Variants in CGGBP1 observed in about 807,000 individuals in gnomAD.
The protein encoded by CGGBP1 is CGG triplet repeat binding protein 1, also known as CGG triplet repeat-binding protein 1.
In CGGBP1, 4 loss-of-function variants were observed where a neutral mutation model predicts 11.4. The observed-to-expected ratio is 0.35, with a 90% CI of 0.17 to 0.80. The LOEUF is 0.80. CGGBP1 is among the 30% of genes least tolerant of loss of function. CGGBP1 has a pLI of 0.52. For synonymous variants in CGGBP1, 76 were observed against 74.1 expected, an observed-to-expected ratio of 1.03 and a Z score of -0.13; for missense variants, 135 against 202.1, an observed-to-expected ratio of 0.67 and a Z score of 2.01.
chr3:88,084,405 A>T (rs1466476924), intron 2 of CGGBP1, among the ~76,000 whole-genome samples: 1 of 152,184 alleles, frequency 6.6e-6, no homozygotes, highest in African/African-American at 2.4e-5. Flanking sequence ...AAGCTGGTCA[A>T]AGACTTCAGG....
intron 1 of CGGBP1, among the ~76,000 whole-genome samples, chr3:88,148,994 C>T (rs757550236): frequency 6.6e-6 from 1 of 152,126 alleles, no homozygotes; most frequent in Non-Finnish European, 1.5e-5. Flanking sequence ...CAGATGTGTA[C>T]ATTTCAGCTA....
chr3:88,144,793 TTGAG>T (rs892201055), intron 1 of CGGBP1: 6 of 152,386 alleles, frequency 3.9e-5, no homozygotes, highest in Admixed American at 6.5e-5. Flanking sequence ...CATATTTGGA[TTGAG>T]TGATTTTTTT....
chr3:88,057,902 AT>A (rs1264079141), intron 2 of CGGBP1, 116 bp downstream of exon 2: 1 of 152,254 alleles, frequency 6.6e-6, no homozygotes, highest in African/African-American at 2.4e-5. Flanking sequence ...AGAAGAAAAC[AT>A]TTTCAACAAA....
chr3:88,127,063 C>G (rs1476115087), intron 2 of CGGBP1, among the ~76,000 whole-genome samples: 2 of 152,122 alleles, frequency 1.3e-5, no homozygotes, highest in Middle Eastern at 3.4e-3. Context: ...ATCACCAAAA[C>G]TGTAGAATGT....
chr3:88,080,696 T>C (rs1195719009), intron 2 of CGGBP1, among the ~76,000 whole-genome samples: 1 of 152,114 alleles, frequency 6.6e-6, no homozygotes, highest in Non-Finnish European at 1.5e-5. Context: ...AGGGCAAATC[T>C]TGAGGTGCAA....
At chr3:88,093,961 G>C (rs966810236) in intron 2 of CGGBP1, among the ~76,000 whole-genome samples, 1 of 152,018 alleles carries the variant, frequency 6.6e-6, no homozygotes, top group African/African-American at 2.4e-5. Flanking sequence ...TTATATTGAC[G>C]AACAATTATT....
intron 2 of CGGBP1, among the ~76,000 whole-genome samples, chr3:88,095,137 G>T (rs1703982878): frequency 6.6e-6 from 1 of 152,028 alleles, no homozygotes; most frequent in Non-Finnish European, 1.5e-5. Flanking sequence ...ATCTTGAAAA[G>T]GTTTTCCCTT....
At chr3:88,138,738 A>G (rs1706954793) in intron 2 of CGGBP1, 12 of 1,231,990 alleles carry the variant, frequency 9.7e-6, no homozygotes, top group Non-Finnish European at 1.2e-5. Flanking sequence ...TTGTGTTGAA[A>G]TATGTGGTTG....
chr3:88,086,389 A>G, intron 2 of CGGBP1: 3 of 1,531,804 alleles, frequency 2.0e-6, no homozygotes, highest in African/African-American at 2.7e-5. Flanking sequence ...ATATGTTTTG[A>G]GTAGCCTTGC....
chr3:88,145,285 T>A (rs1219060184), intron 1 of CGGBP1, among the ~76,000 whole-genome samples: 1 of 151,970 alleles, frequency 6.6e-6, no homozygotes, highest in African/African-American at 2.4e-5. Context: ...GGGCTTTAAG[T>A]AGGAAAAAAA....
intron 2 of CGGBP1, among the ~76,000 whole-genome samples, chr3:88,119,489 T>TA (rs1705639266): frequency 6.7e-6 from 1 of 149,778 alleles, no homozygotes. Flanking sequence ...CATGTATACA[T>TA]ATGTAACTAA....
upstream of CGGBP1, among the ~76,000 whole-genome samples, chr3:88,062,470 C>A (rs1706938874): frequency 6.6e-6 from 1 of 152,184 alleles, no homozygotes. Context: ...AGAAAGTACT[C>A]TTTCATTATG....
intron 2 of CGGBP1, among the ~76,000 whole-genome samples, chr3:88,124,037 A>G (rs527943674): frequency 6.6e-6 from 1 of 152,334 alleles, no homozygotes; most frequent in African/African-American, 2.4e-5. Context: ...ATATTTAATG[A>G]ATGCTTTAAC....
In CGGBP1 at chr3:88,052,089, TA is replaced by T. The variant is rs1706440901; in HGVS notation, c.*3383del. 1 of 152,632 alleles carries T rather than the reference TA, an allele frequency of 6.6e-6. No homozygotes were observed. The highest frequency in any genetic ancestry group is 2.4e-5 in the African/African-American group (1 of 41,464). 9.5% of individuals were successfully genotyped at this position (152,632 alleles called of 1,614,324 possible). A position where few individuals can be genotyped will look rare whatever the true frequency, so the allele number is the denominator to read the frequency against. The stretch of plus-strand genomic sequence containing the variant: ...AGAAGTGACACATTTATACTAAGCA[TA>T]CATGCGTGAGCAAAAAAAATAAGCA... On this transcript the variant is annotated 3_prime_UTR_variant, in exon 4 of 4. Transcript: ENST00000482016.
At chr3:88,088,217 A>C (rs1377872574) in intron 2 of CGGBP1, among the ~76,000 whole-genome samples, 1 of 152,204 alleles carries the variant, frequency 6.6e-6, no homozygotes, top group African/African-American at 2.4e-5. Flanking sequence ...ATCAGTCAAG[A>C]AACTCCAGAC....
chr3:88,143,562 A>G (rs1707225190), intron 1 of CGGBP1: 1 of 152,332 alleles, frequency 6.6e-6, no homozygotes. Context: ...TACATTTTCC[A>G]GAAGTTTAAT....
intron 2 of CGGBP1, chr3:88,140,525 T>C (rs1243641918): frequency 1.2e-6 from 2 of 1,613,752 alleles, no homozygotes; most frequent in South Asian, 1.1e-5. Context: ...CTGTTTCAAA[T>C]ATAAGCTTGA....
chr3:88,145,217 T>G (rs1707288917), intron 1 of CGGBP1, among the ~76,000 whole-genome samples: 1 of 152,106 alleles, frequency 6.6e-6, no homozygotes, highest in Non-Finnish European at 1.5e-5. Context: ...CTTTTTTCGT[T>G]CACTAACAAA....
At chr3:88,062,742 T>G (rs890369629), upstream of CGGBP1, among the ~76,000 whole-genome samples, 1 of 152,162 alleles carries the variant, frequency 6.6e-6, no homozygotes, top group African/African-American at 2.4e-5. Context: ...TTAAAATTAT[T>G]TCATACTACA....
Sources: gnomAD v4.1 joint callset for allele counts (sites outside exome capture counted in the v4.1 genomes callset) on GRCh38, gnomAD v4.1.1 for gene constraint, MANE v1.5 for transcripts, NCBI Gene and HGNC (gene_info 2026-07-23, HGNC 2026-07-21) for gene names.